Variants in USB1 observed in about 807,000 individuals in gnomAD.
The protein encoded by USB1 is U6 snRNA phosphodiesterase 1.
In USB1, 21 loss-of-function variants were observed where a neutral mutation model predicts 29.9. That is an observed-to-expected ratio of 0.70 (90% CI 0.50 to 1.01). USB1 has a LOEUF of 1.01. Ranked by LOEUF, USB1 falls within the 50% of genes least tolerant of loss-of-function variation. The probability of loss-of-function intolerance (pLI) is 0.00; values close to 1 mark genes in which losing one functional copy is unlikely to be tolerated. For missense variants in USB1, 330 were observed against 347.1 expected, an observed-to-expected ratio of 0.95 and a Z score of 0.39; for synonymous variants, 143 against 134.9, an observed-to-expected ratio of 1.06 and a Z score of -0.42.
At chr16:58,010,367 C>G (rs1408125678) in intron 3 of USB1, among the ~76,000 whole-genome samples, 1 of 152,192 alleles carries the variant, frequency 6.6e-6, no homozygotes, top group Non-Finnish European at 1.5e-5. Context: ...CTCAGTACTT[C>G]CAGCACTTCT....
chr16:58,009,818 T>C, intron 2 of USB1, 111 bp from the exon 3 acceptor site: 1 of 1,197,768 alleles, frequency 8.3e-7, no homozygotes, highest in Non-Finnish European at 1.2e-6. Context: ...CAAGTAATTT[T>C]CTCCCCAAAC....
At chr16:58,012,258 C>G in intron 3 of USB1, 4 of 1,534,294 alleles carry the variant, frequency 2.6e-6, no homozygotes, top group Non-Finnish European at 2.6e-6. Flanking sequence ...CAGCCCTCCC[C>G]CTCTTTGGAT....
chr16:58,009,775 T>G (rs1052252649), intron 2 of USB1, among the ~76,000 whole-genome samples, 154 bp from the exon 3 acceptor site: 3 of 151,242 alleles, frequency 2.0e-5, no homozygotes, highest in African/African-American at 7.3e-5. Context: ...GAAAATAAAA[T>G]TATATTAGAA....
Position 58,020,047 on chromosome 16 carries a change from C to T in USB1, c.694-94C>T. Reference sequence around the variant, plus strand: ...AGCCTGCAGCCTCAGCCTCGCCCAGCCTCTGAAGTTGGGTGAGCTGGTTTT... The same window carrying T: ...AGCCTGCAGCCTCAGCCTCGCCCAGTCTCTGAAGTTGGGTGAGCTGGTTTT... On this transcript the variant is annotated intron_variant, in intron 6 of 6. Coordinates refer to ENST00000219281, the MANE Select transcript of USB1 (RefSeq NM_024598.4). 3.3e-6 allele frequency: 4 copies of T among 1,194,508 alleles called. No homozygotes were observed. The South Asian group carries it at 5.0e-5, about 15-fold the overall frequency. The allele number at this position is 1,194,508 out of a possible 1,614,324, so 74.0% of individuals were successfully genotyped here. A position where few individuals can be genotyped will look rare whatever the true frequency, so the allele number is the denominator to read the frequency against.
At position 58,011,300 on chromosome 16, in the gene USB1, G is replaced by T. The variant is rs547959717; in HGVS notation, c.449+1188G>T. Reference sequence around the variant, plus strand: ...GCTACCTCACTGGGGGCCTATGGGGGTGAAAGGAGATCATGGGTGCCCTCA... The same window carrying T: ...GCTACCTCACTGGGGGCCTATGGGGTTGAAAGGAGATCATGGGTGCCCTCA... On this transcript the variant is annotated intron_variant, in intron 3 of 6. Coordinates refer to ENST00000219281, the MANE Select transcript of USB1 (RefSeq NM_024598.4). 23 of 1,424,488 alleles carry T rather than the reference G, an allele frequency of 1.6e-5. No individual in the cohort carries two copies. In the African/African-American group the frequency reaches 3.2e-4, roughly 20 times the overall value. 88.2% of individuals were successfully genotyped at this position (1,424,488 alleles called of 1,614,324 possible). A position where few individuals can be genotyped will look rare whatever the true frequency, so the allele number is the denominator to read the frequency against.
intron 3 of USB1, chr16:58,012,487 G>C (rs984960402): frequency 2.1e-5 from 25 of 1,180,168 alleles, no homozygotes; most frequent in African/African-American, 3.1e-5. Context: ...CAGGCAGACT[G>C]TTCACCATCT....
intron 3 of USB1, chr16:58,011,179 G>A: frequency 6.6e-7 from 1 of 1,511,886 alleles, no homozygotes; most frequent in South Asian, 1.2e-5. Flanking sequence ...AATGACACAG[G>A]TTTTAGGATC....
Position 58,010,121 on chromosome 16 carries a change from T to G in USB1, c.449+9T>G, listed in dbSNP as rs758419253. 2.8e-5 allele frequency: 45 copies of G among 1,613,728 alleles called. No individual in the cohort carries two copies. Among genetic ancestry groups the G allele is most frequent in the Non-Finnish European group, 3.7e-5 (44 of 1,179,910 alleles). ...ATGACCTCCTTCCACAGGTGAGTGC[T>G]TCTTCCCTCTGCCTCTCCACTCCCT... is the stretch of plus-strand genomic sequence containing the variant. On this transcript the variant is annotated intron_variant, in intron 3 of 6. Transcript: ENST00000219281.
intron 3 of USB1, 51 bp downstream of exon 3, chr16:58,010,163 C>T (rs774790641): frequency 1.2e-6 from 2 of 1,608,374 alleles, no homozygotes; most frequent in Non-Finnish European, 1.7e-6. Flanking sequence ...CATGGCTTCT[C>T]CTCCTCTCCT....
chr16:58,008,960 C>T (rs556516429), intron 2 of USB1, among the ~76,000 whole-genome samples: 50 of 152,324 alleles, frequency 3.3e-4, no homozygotes, highest in Admixed American at 2.9e-3. Flanking sequence ...TTTCCAGCTA[C>T]ATTTCTGTTA....
At chr16:58,017,674 T>A (rs1963649197) in intron 5 of USB1, among the ~76,000 whole-genome samples, 1 of 152,186 alleles carries the variant, frequency 6.6e-6, no homozygotes, top group Non-Finnish European at 1.5e-5. Context: ...ATATCCTAAA[T>A]ACGCCCGAGA....
chr16:58,018,545 A>G (rs1359801141), intron 5 of USB1, among the ~76,000 whole-genome samples: 1 of 151,884 alleles, frequency 6.6e-6, no homozygotes, highest in South Asian at 2.1e-4. Flanking sequence ...GTTTCTGGTG[A>G]GGGTTCTTCC....
At position 58,001,561 on chromosome 16, in the gene USB1, G is replaced by C. The variant is rs375706004; in HGVS notation, c.78G>C (p.Pro26=). Residue 26 remains proline (P), a synonymous_variant, in exon 1 of 7, where the codon CCG becomes CCC. Coordinates refer to ENST00000219281, the MANE Select transcript of USB1 (RefSeq NM_024598.4). The part of the protein sequence containing the change: ...DESEDGMRTR[P]GDGSHRRGQS... ...CCGAGGACGGGATGCGGACCAGGCC[G>C]GGGGATGGGAGCCACCGTCGGTGAG... 186 of 1,608,466 alleles carry C rather than the reference G, an allele frequency of 1.2e-4. No individual in the cohort carries two copies. Among genetic ancestry groups the C allele is most frequent in the Middle Eastern group, 1.6e-4 (1 of 6,070 alleles).
rs1317980414 is a variant in USB1 at position 58,012,377 on chromosome 16, T to G, written c.450-1896T>G. 8 of 1,495,970 alleles carry G rather than the reference T, an allele frequency of 5.3e-6. No homozygotes were observed. In the East Asian group the frequency reaches 2.0e-4, roughly 37 times the overall value. 92.7% of individuals were successfully genotyped at this position (1,495,970 alleles called of 1,614,324 possible). A position where few individuals can be genotyped will look rare whatever the true frequency, so the allele number is the denominator to read the frequency against. On this transcript the variant is annotated intron_variant, in intron 3 of 6. Coordinates refer to ENST00000219281, the MANE Select transcript of USB1 (RefSeq NM_024598.4). ...AAAGTGGCTTAAACCAAAGAGAAATTTATAGGCTGGTATAACTAAAAGATT... is the reference window on the plus strand; with the variant it reads ...AAAGTGGCTTAAACCAAAGAGAAATGTATAGGCTGGTATAACTAAAAGATT...
intron 5 of USB1, 107 bp downstream of exon 5, chr16:58,017,546 C>A: frequency 9.9e-7 from 1 of 1,007,416 alleles, no homozygotes; most frequent in East Asian, 2.6e-5. Context: ...TCAGAACCTC[C>A]CGTGTCGGTG....
At chr16:58,007,695 T>G (rs1963393373) in intron 2 of USB1, among the ~76,000 whole-genome samples, 1 of 152,056 alleles carries the variant, frequency 6.6e-6, no homozygotes, top group Non-Finnish European at 1.5e-5. Flanking sequence ...AGGTAATTAT[T>G]TATTTATTCA....
intron 2 of USB1, among the ~76,000 whole-genome samples, chr16:58,005,025 C>T (rs1963318144): frequency 1.3e-5 from 2 of 152,270 alleles, no homozygotes; most frequent in African/African-American, 4.8e-5. Flanking sequence ...CCCTTGCCTG[C>T]CTGGCAGCTG....
intron 3 of USB1, 41 bp downstream of exon 3, chr16:58,010,153 C>T: frequency 6.2e-7 from 1 of 1,611,936 alleles, no homozygotes; most frequent in South Asian, 1.1e-5. Flanking sequence ...CCCTCCCCTC[C>T]ATGGCTTCTC....
Position 58,013,135 on chromosome 16 carries a change from GA to G in USB1, c.450-1135del. 1.0e-6 allele frequency: 1 copy of G among 985,528 alleles called. No individual in the cohort carries two copies. Among genetic ancestry groups the G allele is most frequent in the Non-Finnish European group, 1.2e-6 (1 of 830,022 alleles). 61.0% of individuals were successfully genotyped at this position (985,528 alleles called of 1,614,324 possible). On this transcript the variant is annotated intron_variant, in intron 3 of 6. Transcript: ENST00000219281. This position sits in a 1 kb window ranked among gnomAD's most constrained non-coding sequence, Gnocchi z 4.3. ...CCCTGATTCTGTTGCTGTGACTGAG[GA>G]AATGCTAAGCTCTGTTTGGCCAGGC...
Sources: allele counts gnomAD v4.1 joint callset (sites outside exome capture counted in the v4.1 genomes callset), GRCh38; gene constraint gnomAD v4.1.1; non-coding constraint Gnocchi (gnomAD v3.1); transcripts MANE v1.5; gene names NCBI Gene and HGNC (gene_info 2026-07-23, HGNC 2026-07-21).